The following PTPRD variants were observed in gnomAD, a reference collection of about 807,000 sequenced individuals.
The protein encoded by PTPRD is protein tyrosine phosphatase receptor type D, also known as receptor-type tyrosine-protein phosphatase delta.
In PTPRD, 34 loss-of-function variants were observed where a neutral mutation model predicts 214.5. That is an observed-to-expected ratio of 0.16 (90% confidence interval 0.12 to 0.21). PTPRD has a LOEUF of 0.21. Among genes scored for constraint, PTPRD ranks in the 10% least tolerant of loss-of-function variants. The pLI, the probability that PTPRD is intolerant of heterozygous loss-of-function variation, is 1.00. For synonymous variants in PTPRD, 1,128 were observed against 845.7 expected (o/e 1.33, Z -5.79); for missense variants, 2,545 against 2,398.7 (o/e 1.06, Z -1.27).
At chr9:9,444,701 C>G (rs1424364776) in intron 8 of PTPRD, among the ~76,000 whole-genome samples, 2 of 152,134 alleles carry the variant, frequency 1.3e-5, no homozygotes, top group African/African-American at 4.8e-5. Flanking sequence ...ACAACCTTTT[C>G]CCTTTCTTCA....
At chr9:9,775,623 T>G (rs2098791366) in intron 5 of PTPRD, among the ~76,000 whole-genome samples, 1 of 152,124 alleles carries the variant, frequency 6.6e-6, no homozygotes, top group African/African-American at 2.4e-5. Flanking sequence ...AATCTCCCTT[T>G]CATTCTATTA....
At chr9:8,764,844 T>C (rs1042431561) in intron 11 of PTPRD, among the ~76,000 whole-genome samples, 2 of 150,788 alleles carry the variant, frequency 1.3e-5, no homozygotes, top group African/African-American at 4.9e-5. Flanking sequence ...TAGCAGCTTA[T>C]TTGATGGCAA....
chr9:10,548,895 G>T (rs1010609989), intron 2 of PTPRD, among the ~76,000 whole-genome samples: 1 of 152,126 alleles, frequency 6.6e-6, no homozygotes, highest in African/African-American at 2.4e-5. Flanking sequence ...CTGTTAATGT[G>T]CATAAAATTC....
At chr9:10,447,774 G>C (rs1056469442) in intron 2 of PTPRD, among the ~76,000 whole-genome samples, 4 of 151,912 alleles carry the variant, frequency 2.6e-5, no homozygotes, top group African/African-American at 9.7e-5. Context: ...TCAGACTTCA[G>C]GTTCTCTATT....
At chr9:10,568,221 G>T (rs906816643) in intron 2 of PTPRD, among the ~76,000 whole-genome samples, 4 of 150,990 alleles carry the variant, frequency 2.6e-5, no homozygotes, top group African/African-American at 9.7e-5. Context: ...GCGGTGTTTG[G>T]TTTTTTGTCC....
intron 14 of PTPRD, among the ~76,000 whole-genome samples, chr9:8,629,190 C>G (rs1475713469): frequency 6.6e-6 from 1 of 151,750 alleles, no homozygotes; most frequent in Non-Finnish European, 1.5e-5. Context: ...TTAAATGGTT[C>G]CAGAACTTTG....
intron 2 of PTPRD, among the ~76,000 whole-genome samples, chr9:10,494,900 G>A (rs1346219322): frequency 6.6e-6 from 1 of 151,568 alleles, no homozygotes; most frequent in Non-Finnish European, 1.5e-5. Flanking sequence ...TCTAGAAGAT[G>A]CATTTGACAT....
chr9:9,044,348 T>TATCCATG lies in PTPRD; in HGVS notation c.-142-25614_-142-25613insCATGGAT, dbSNP rs2099662684. Among the ~76,000 whole-genome samples, 5 of 152,368 alleles carry TATCCATG rather than the reference T, an allele frequency of 3.3e-5. No individual in the cohort carries two copies. The South Asian group carries it at 1.0e-3, about 32-fold the overall frequency. ...CATATTTGCTATGGATAGATGTGAT[T>TATCCATG]GACCACTGTGAGTGGCCCATGTTAA... On this transcript the variant is annotated intron_variant, in intron 10 of 45. Coordinates refer to ENST00000381196, the MANE Select transcript of PTPRD (RefSeq NM_002839.4).
chr9:9,993,971 C>T (rs1382071252), intron 4 of PTPRD, among the ~76,000 whole-genome samples: 4 of 152,094 alleles, frequency 2.6e-5, no homozygotes, highest in South Asian at 4.1e-4. Flanking sequence ...ATGTATAATA[C>T]GTACTAGACA....
At chr9:10,135,043 T>C (rs1182580346) in intron 3 of PTPRD, among the ~76,000 whole-genome samples, 1 of 152,146 alleles carries the variant, frequency 6.6e-6, no homozygotes, top group Non-Finnish European at 1.5e-5. Flanking sequence ...ATTGAACTCC[T>C]GGAATTGAAA....
intron 12 of PTPRD, among the ~76,000 whole-genome samples, chr9:8,668,018 T>C (rs1167143122): frequency 1.3e-5 from 2 of 152,116 alleles, no homozygotes; most frequent in African/African-American, 4.8e-5. Flanking sequence ...AAATAAACTA[T>C]AAATCATGGG....
At chr9:8,415,606 C>A (rs10977069) in intron 35 of PTPRD, among the ~76,000 whole-genome samples, 1 of 151,814 alleles carries the variant, frequency 6.6e-6, no homozygotes, top group Admixed American at 6.6e-5. Flanking sequence ...AACCATGATA[C>A]GTGTCTCCAA....
chr9:9,544,964 T>G (rs1316559991), intron 8 of PTPRD, among the ~76,000 whole-genome samples: 1 of 151,634 alleles, frequency 6.6e-6, no homozygotes, highest in Admixed American at 6.6e-5. Flanking sequence ...AAATCTCATC[T>G]TGTTGTTCTT....
chr9:10,564,195 T>TTTTTTTTTTTTTTA (rs1566955309), intron 2 of PTPRD, among the ~76,000 whole-genome samples: 3 of 136,480 alleles, frequency 2.2e-5, no homozygotes, highest in South Asian at 2.4e-4. Flanking sequence ...TTTTTTTTTT[T>TTTTTTTTTTTTTTA]GAGACATAGG....
At chr9:8,584,001 A>T (rs1018446920) in intron 14 of PTPRD, among the ~76,000 whole-genome samples, 14 of 152,012 alleles carry the variant, frequency 9.2e-5, no homozygotes, top group Non-Finnish European at 8.8e-5. Flanking sequence ...AAAATATACA[A>T]ATTAGCCATC....
At chr9:10,144,405 T>C (rs1001684983) in intron 3 of PTPRD, among the ~76,000 whole-genome samples, 2 of 152,118 alleles carry the variant, frequency 1.3e-5, no homozygotes, top group African/African-American at 2.4e-5. Flanking sequence ...CTGATCAAAT[T>C]TGAGCTGCTT....
intron 10 of PTPRD, among the ~76,000 whole-genome samples, chr9:9,177,245 T>C (rs1322628526): frequency 6.6e-6 from 1 of 151,928 alleles, no homozygotes; most frequent in Non-Finnish European, 1.5e-5. Flanking sequence ...TCATGAGAAC[T>C]CACTCTGAAA....
chr9:8,829,182 A>G (rs1038449273), intron 11 of PTPRD, among the ~76,000 whole-genome samples: 7 of 152,186 alleles, frequency 4.6e-5, no homozygotes, highest in Non-Finnish European at 1.0e-4. Context: ...CATTTAACAA[A>G]TGTTATGTCT....
intron 2 of PTPRD, among the ~76,000 whole-genome samples, chr9:10,428,162 A>G (rs924315818): frequency 3.3e-5 from 5 of 151,972 alleles, no homozygotes; most frequent in Middle Eastern, 3.2e-3. Context: ...TAAAAATAAA[A>G]AAATAAAATA....
Sources: gnomAD v4.1 joint callset for allele counts (sites outside exome capture counted in the v4.1 genomes callset) on GRCh38, gnomAD v4.1.1 for gene constraint, MANE v1.5 for transcripts, NCBI Gene and HGNC (gene_info 2026-07-23, HGNC 2026-07-21) for gene names.